Variants in RPS6KC1 observed in about 807,000 individuals in gnomAD.
The protein encoded by RPS6KC1 is ribosomal protein S6 kinase C1, also known as inactive ribosomal protein S6 kinase delta-1.
In RPS6KC1, 54 loss-of-function variants were observed where a neutral mutation model predicts 103.8. That is an observed-to-expected ratio of 0.52 (90% CI 0.42 to 0.65). RPS6KC1 has a LOEUF of 0.65. RPS6KC1 is among the 30% of genes least tolerant of loss of function. RPS6KC1 has a pLI of 0.00. For missense variants in RPS6KC1, 1,151 were observed against 1,253.8 expected, an observed-to-expected ratio of 0.92 and a Z score of 1.24; for synonymous variants, 439 against 438.7, an observed-to-expected ratio of 1.00 and a Z score of -0.01.
chr1:213,343,986 A>T, the RPS6KC1 span, among the ~76,000 whole-genome samples: 1 of 152,204 alleles, frequency 6.6e-6, no homozygotes, highest in Non-Finnish European at 1.5e-5. Flanking sequence ...ACAAACTATC[A>T]TTCAAGTGTG....
the RPS6KC1 span, among the ~76,000 whole-genome samples, chr1:213,674,585 A>G: frequency 6.6e-6 from 1 of 152,216 alleles, no homozygotes; most frequent in African/African-American, 2.4e-5. Flanking sequence ...CGCTATTGTA[A>G]ATAGTGCTGT....
chr1:213,849,042 C>T, the RPS6KC1 span, among the ~76,000 whole-genome samples: 3 of 152,164 alleles, frequency 2.0e-5, no homozygotes, highest in Non-Finnish European at 4.4e-5. Context: ...CAGAGGCTGA[C>T]AGAACCAGTG....
rs972352754 is a variant in RPS6KC1 at position 213,075,533 on chromosome 1, A to G, written c.142-2163A>G. Among the ~76,000 whole-genome samples the G allele has an allele frequency of 2.0e-5, 3 of 152,128 alleles. No individual in the cohort carries two copies. In the South Asian group the frequency reaches 6.2e-4, roughly 31 times the overall value. The stretch of plus-strand genomic sequence containing the variant: ...GTTTTTGCTCTTCAACCCTAAACCT[A>G]TCTCACTGAACAGCTCCAAGCAGCT... On this transcript the variant is annotated intron_variant, in intron 2 of 14. Transcript: ENST00000366960.
chr1:213,192,177 A>G (rs891456483), intron 8 of RPS6KC1, among the ~76,000 whole-genome samples: 2 of 152,280 alleles, frequency 1.3e-5, no homozygotes, highest in African/African-American at 4.8e-5. Flanking sequence ...TTCTGTTGGT[A>G]TGATGTATGA....
chr1:213,052,700 C>T (rs895329533), intron 1 of RPS6KC1, among the ~76,000 whole-genome samples: 4 of 152,014 alleles, frequency 2.6e-5, no homozygotes, highest in African/African-American at 9.7e-5. Flanking sequence ...GCTACCATGC[C>T]CTGATAATTT....
chr1:213,389,537 G>A, the RPS6KC1 span, among the ~76,000 whole-genome samples: 2 of 152,210 alleles, frequency 1.3e-5, no homozygotes, highest in Non-Finnish European at 2.9e-5. Context: ...GCTGTCTCGC[G>A]TCTGCATCCG....
rs758935755 is a variant in RPS6KC1 at position 213,104,529 on chromosome 1, CT to C, written c.339del (p.Ala114LeufsTer16). The C allele has an allele frequency of 2.2e-5, 35 of 1,611,426 alleles. No homozygotes were observed. The highest frequency in any genetic ancestry group is 3.0e-5 in the Non-Finnish European group (35 of 1,178,100). ...EDLLQFSANI[P>X]ALYNSKQLED... is the part of the protein sequence containing the mutation. The stretch of plus-strand genomic sequence containing the variant: ...CTGCTACAGTTCTCTGCCAATATTC[CT>C]GCTCTTTACAATAGTAAACAGCTTG... On this transcript the variant is annotated frameshift_variant, in exon 4 of 15. Coordinates refer to ENST00000366960, the MANE Select transcript of RPS6KC1 (RefSeq NM_012424.6). LOFTEE classifies it high-confidence loss of function.
intron 5 of RPS6KC1, among the ~76,000 whole-genome samples, chr1:213,117,842 G>C (rs1380940318): frequency 6.6e-6 from 1 of 151,264 alleles, no homozygotes; most frequent in South Asian, 2.1e-4. Flanking sequence ...AGCCAACGTG[G>C]TGAAACCCTG....
At chr1:213,055,426 T>C (rs1462636063) in intron 1 of RPS6KC1, among the ~76,000 whole-genome samples, 1 of 152,248 alleles carries the variant, frequency 6.6e-6, no homozygotes, top group East Asian at 1.9e-4. Flanking sequence ...CATATTCCAT[T>C]GTATGGTTAT....
At chr1:213,340,433 A>G in the RPS6KC1 span, among the ~76,000 whole-genome samples, 1 of 152,224 alleles carries the variant, frequency 6.6e-6, no homozygotes, top group Non-Finnish European at 1.5e-5. Flanking sequence ...CACATTCACA[A>G]AAGAAGTGGT....
At chr1:213,786,847 G>A in the RPS6KC1 span, among the ~76,000 whole-genome samples, 13 of 152,156 alleles carry the variant, frequency 8.5e-5, no homozygotes, top group Non-Finnish European at 1.8e-4. Context: ...TGGAATTAGA[G>A]ACTTATTCTT....
At chr1:213,296,815 G>T in the RPS6KC1 span, among the ~76,000 whole-genome samples, 1 of 152,168 alleles carries the variant, frequency 6.6e-6, no homozygotes, top group Non-Finnish European at 1.5e-5. Flanking sequence ...GACAGTTATG[G>T]ACTAAGGTCA....
chr1:213,423,735 CT>C, the RPS6KC1 span, among the ~76,000 whole-genome samples: 2 of 144,818 alleles, frequency 1.4e-5, no homozygotes, highest in Non-Finnish European at 3.0e-5. Context: ...CTTATTTTGC[CT>C]TTAAAGTGGG....
At chr1:213,785,916 T>C in the RPS6KC1 span, among the ~76,000 whole-genome samples, 1 of 152,150 alleles carries the variant, frequency 6.6e-6, no homozygotes, top group Non-Finnish European at 1.5e-5. Flanking sequence ...CTCTTATTGC[T>C]ATTATGGAGG....
At chr1:213,511,851 T>C in the RPS6KC1 span, among the ~76,000 whole-genome samples, 1 of 152,214 alleles carries the variant, frequency 6.6e-6, no homozygotes, top group Non-Finnish European at 1.5e-5. Context: ...TCCAGGCACT[T>C]GTCACCTTCT....
the RPS6KC1 span, among the ~76,000 whole-genome samples, chr1:213,620,867 T>C: frequency 2.6e-5 from 4 of 152,166 alleles, no homozygotes; most frequent in African/African-American, 9.7e-5. Flanking sequence ...CCGTACTTAC[T>C]AAAGAATTAG....
chr1:213,445,817 T>A, the RPS6KC1 span, among the ~76,000 whole-genome samples: 1 of 152,206 alleles, frequency 6.6e-6, no homozygotes, highest in East Asian at 1.9e-4. Context: ...GGCCGGTTTC[T>A]GGCTGCAAGT....
intron 14 of RPS6KC1, among the ~76,000 whole-genome samples, chr1:213,266,539 A>G (rs1223928931): frequency 1.3e-5 from 2 of 152,122 alleles, no homozygotes; most frequent in Non-Finnish European, 2.9e-5. Context: ...CAGATTTGGT[A>G]AAAAACCAGT....
chr1:213,314,817 T>A, the RPS6KC1 span, among the ~76,000 whole-genome samples: 1 of 152,186 alleles, frequency 6.6e-6, no homozygotes, highest in African/African-American at 2.4e-5. Context: ...AAATGTGTGC[T>A]GAAGAATAAG....
Sources: allele counts gnomAD v4.1 joint callset (sites outside exome capture counted in the v4.1 genomes callset), GRCh38; gene constraint gnomAD v4.1.1; transcripts MANE v1.5; gene names NCBI Gene and HGNC (gene_info 2026-07-23, HGNC 2026-07-21).